The following SLC2A8 variants were observed in gnomAD, a reference collection of about 807,000 sequenced individuals.
SLC2A8 encodes the protein solute carrier family 2 member 8.
In SLC2A8, 53 loss-of-function variants were observed where a neutral mutation model predicts 49.2. The observed-to-expected ratio is 1.08, with a 90% CI of 0.86 to 1.35. The LOEUF is 1.35. Among genes scored for constraint, SLC2A8 ranks in the 40% most tolerant of loss-of-function variants. The pLI is 0.00. For missense variants in SLC2A8, 688 were observed against 671.7 expected (o/e 1.02, Z -0.27); for synonymous variants, 299 against 297.0 (o/e 1.01, Z -0.07).
chr9:127,405,625 A>G (rs1833467339), intron 9 of SLC2A8, 60 bp downstream of exon 9: 2 of 1,599,658 alleles, frequency 1.3e-6, no homozygotes, highest in Non-Finnish European at 1.7e-6. Context: ...ACTTTCTAAA[A>G]CCACTTGTAT....
chr9:127,406,310 G>T (rs1190531368), intron 9 of SLC2A8, among the ~76,000 whole-genome samples: 10 of 152,210 alleles, frequency 6.6e-5, no homozygotes, highest in African/African-American at 2.4e-4. Flanking sequence ...GTGGTGGGGC[G>T]GGTCATGAGG....
rs1358291800 is a variant in SLC2A8, at chr9:127,397,389, C to A, written c.70C>A (p.Arg24Ser). 1 of 1,470,070 alleles carries A rather than the reference C, an allele frequency of 6.8e-7. No individual in the cohort carries two copies. The highest frequency in any genetic ancestry group is 8.9e-7 in the Non-Finnish European group (1 of 1,119,522). The allele number at this position is 1,470,070 out of a possible 1,614,324, so 91.1% of individuals were successfully genotyped here. A position where few individuals can be genotyped will look rare whatever the true frequency, so the allele number is the denominator to read the frequency against. The change falls in exon 2 of 10, where the codon CGC (arginine) becomes AGC (serine). Residue 24 changes from arginine (R) to serine (S), a missense_variant. Coordinates refer to ENST00000373371, the MANE Select transcript of SLC2A8 (RefSeq NM_014580.5). ...CTGTCCCCCCAGCGCGCCCCGCGGC[C>A]GCCGCGTCTTCCTCGCCGCCTTCGC... ...GPPGGSAPRG[R>S]RVFLAAFAAA...
Position 127,397,227 on chromosome 9 carries a change from C to G in SLC2A8, c.-4C>G, listed in dbSNP as rs1204722296. On this transcript the variant is annotated 5_prime_UTR_variant, in exon 1 of 10. Coordinates refer to ENST00000373371, the MANE Select transcript of SLC2A8 (RefSeq NM_014580.5). ...GAGCTGGCCGATCGGCGTTGGCCGC[C>G]GACATGACGCCCGAGGACCCAGAGG... is the stretch of plus-strand genomic sequence containing the variant. 2.1e-6 allele frequency: 3 copies of G among 1,458,284 alleles called. No individual in the cohort carries two copies. Among genetic ancestry groups the G allele is most frequent in the East Asian group, 3.0e-5 (1 of 33,382 alleles). The allele number at this position is 1,458,284 out of a possible 1,614,324, so 90.3% of individuals were successfully genotyped here. A position where few individuals can be genotyped will look rare whatever the true frequency, so the allele number is the denominator to read the frequency against.
intron 2 of SLC2A8, 104 bp from the exon 3 acceptor site, chr9:127,397,801 C>A: frequency 8.0e-7 from 1 of 1,251,082 alleles, no homozygotes; most frequent in Non-Finnish European, 1.1e-6. Context: ...TCGGGACGGG[C>A]GCGGGGCCCC....
At position 127,399,240 on chromosome 9, in the gene SLC2A8, G is replaced by A. The variant is rs1833173395; in HGVS notation, c.427-667G>A. Among the ~76,000 whole-genome samples the A allele has an allele frequency of 6.6e-6, 1 of 152,226 alleles. No individual in the cohort carries two copies. Among genetic ancestry groups the A allele is most frequent in the Admixed American group, 6.5e-5 (1 of 15,282 alleles). On this transcript the variant is annotated intron_variant, in intron 3 of 9. Coordinates refer to ENST00000373371, the MANE Select transcript of SLC2A8 (RefSeq NM_014580.5). This position sits in a 1 kb window ranked among gnomAD's most constrained non-coding sequence, Gnocchi z 4.2. ...GGCGTCACGTGGAGCTGGTTAACAA[G>A]GTGGAATCTTTCGCCTGTCCAGACC...
At chr9:127,404,599 C>T (rs1361151248) in intron 7 of SLC2A8, 11 of 544,200 alleles carry the variant, frequency 2.0e-5, no homozygotes, top group Non-Finnish European at 3.2e-5. Context: ...CCCATTTCCT[C>T]GGCCCAGAGG....
chr9:127,397,626 C>T, intron 2 of SLC2A8, 88 bp downstream of exon 2: 3 of 1,352,292 alleles, frequency 2.2e-6, no homozygotes, highest in Non-Finnish European at 2.8e-6. Context: ...CCCACCCTTC[C>T]CCTCGGGACA....
At chr9:127,400,911 A>G (rs762133839) in intron 4 of SLC2A8, among the ~76,000 whole-genome samples, 2 of 152,220 alleles carry the variant, frequency 1.3e-5, no homozygotes, top group Non-Finnish European at 2.9e-5. Context: ...CCTGGCCAAC[A>G]TGGTGAAAAC....
At chr9:127,401,585 A>G (rs1833295241) in intron 4 of SLC2A8, among the ~76,000 whole-genome samples, 2 of 152,172 alleles carry the variant, frequency 1.3e-5, no homozygotes, top group Non-Finnish European at 2.9e-5. Context: ...CTGGGTGTCC[A>G]CCCACCCGTG....
Position 127,403,699 on chromosome 9 carries a change from A to G in SLC2A8, c.763A>G (p.Lys255Glu), listed in dbSNP as rs746878139. 1 of 1,612,744 alleles carries G rather than the reference A, an allele frequency of 6.2e-7. No individual in the cohort carries two copies. Among genetic ancestry groups the G allele is most frequent in the Admixed American group, 1.7e-5 (1 of 59,966 alleles). Residue 255 changes from lysine to glutamate, a missense_variant, in exon 6 of 10, where the codon AAG (lysine) becomes GAG (glutamate). Transcript: ENST00000373371. ...CCTGCTGCGGCAGCCCGGCATCTAC[A>G]AGCCCTTCATCATCGGCGTCTCCCT... ...LALLRQPGIY[K>E]PFIIGVSLMA...
intron 9 of SLC2A8, among the ~76,000 whole-genome samples, chr9:127,406,489 GA>G (rs1173411730): frequency 6.6e-6 from 1 of 152,212 alleles, no homozygotes; most frequent in African/African-American, 2.4e-5. Flanking sequence ...GGTGACAAAG[GA>G]CCTAACAGTC....
At chr9:127,400,050 G>C in intron 4 of SLC2A8, 44 bp downstream of exon 4, 1 of 1,555,230 alleles carries the variant, frequency 6.4e-7, no homozygotes, top group Non-Finnish European at 8.9e-7. Flanking sequence ...TGGTCATGTG[G>C]CCATTTTACA....
intron 5 of SLC2A8, 165 bp from the exon 6 acceptor site, chr9:127,403,495 G>A: frequency 2.7e-6 from 2 of 740,032 alleles, no homozygotes; most frequent in South Asian, 1.7e-5. Context: ...GACACATGGG[G>A]AGGCTGGGAC....
intron 4 of SLC2A8, among the ~76,000 whole-genome samples, 160 bp downstream of exon 4, chr9:127,400,166 C>CTTTTTTTTTTTTTTTTTTTTTTTTTT (rs796202714): frequency 1.7e-5 from 2 of 116,834 alleles, no homozygotes; most frequent in African/African-American, 3.4e-5. Context: ...ATAGGTGAGT[C>CTTTTTTTTTTTTTTTTTTTTTTTTTT]TTTTTTTTTT....
Position 127,407,115 on chromosome 9 carries a change from G to T in SLC2A8, c.1300G>T (p.Val434Phe), listed in dbSNP as rs1206283825. 2.5e-6 allele frequency: 4 copies of T among 1,613,126 alleles called. No individual in the cohort carries two copies. The highest frequency in any genetic ancestry group is 3.4e-6 in the Non-Finnish European group (4 of 1,179,980). The change falls in exon 10 of 10, where the codon GTC (valine) becomes TTC (phenylalanine). Residue 434 changes from valine to phenylalanine, a missense_variant. Physicochemically the swap from Val to Phe is conservative, Grantham distance 50. Coordinates refer to ENST00000373371, the MANE Select transcript of SLC2A8 (RefSeq NM_014580.5). Reference protein sequence around the residue: ...VTKEFSSLMEVLRPYGAFWLA... With the variant: ...VTKEFSSLMEFLRPYGAFWLA... ...ATGGCCTTTCCTCTCTCTGCAGGAG[G>T]TCCTCAGGCCCTATGGAGCCTTCTG...
chr9:127,407,311 C>T lies in SLC2A8; in HGVS notation c.*62C>T, dbSNP rs1833527707. 1.3e-6 allele frequency: 2 copies of T among 1,599,274 alleles called. No individual in the cohort carries two copies. The highest frequency in any genetic ancestry group is 1.1e-5 in the South Asian group (1 of 90,492). On this transcript the variant is annotated 3_prime_UTR_variant, in exon 10 of 10. Transcript: ENST00000373371. The stretch of plus-strand genomic sequence containing the variant: ...CCAAGCTGGGCCCAAGCCCAGAGCC[C>T]CTGCCTGCCCCAGGGGAGCCAGAAT...
chr9:127,397,670 C>T, intron 2 of SLC2A8, 132 bp downstream of exon 2: 2 of 1,261,424 alleles, frequency 1.6e-6, no homozygotes, highest in South Asian at 1.8e-5. Flanking sequence ...CCTTTCCCCA[C>T]GAGACAGGCA....
Position 127,397,387 on chromosome 9 carries a change from G to A in SLC2A8, c.68G>A (p.Gly23Asp). The A allele has an allele frequency of 1.4e-6, 2 of 1,469,118 alleles. No individual in the cohort carries two copies. Among genetic ancestry groups the A allele is most frequent in the Non-Finnish European group, 1.8e-6 (2 of 1,119,030 alleles). The allele number at this position is 1,469,118 out of a possible 1,614,324, so 91.0% of individuals were successfully genotyped here. Residue 23 changes from glycine (G) to aspartate (D), a missense_variant, in exon 2 of 10, where the codon GGC becomes GAC. Physicochemically the swap from Gly to Asp is moderately conservative, Grantham distance 94. Transcript: ENST00000373371. ...LGPPGGSAPR[G>D]RRVFLAAFAA... Reference sequence around the variant, plus strand: ...CCCTGTCCCCCCAGCGCGCCCCGCGGCCGCCGCGTCTTCCTCGCCGCCTTC... The same window carrying A: ...CCCTGTCCCCCCAGCGCGCCCCGCGACCGCCGCGTCTTCCTCGCCGCCTTC...
At chr9:127,403,472 G>A (rs1208286847) in intron 5 of SLC2A8, 188 bp from the exon 6 acceptor site, 1 of 652,670 alleles carries the variant, frequency 1.5e-6, no homozygotes, top group Non-Finnish European at 2.7e-6. Context: ...GGCAGGTGAG[G>A]GTCATCTCAC....
Sources: gnomAD v4.1 joint callset for allele counts (sites outside exome capture counted in the v4.1 genomes callset) on GRCh38, gnomAD v4.1.1 for gene constraint, Gnocchi (gnomAD v3.1) non-coding constraint, MANE v1.5 for transcripts, NCBI Gene and HGNC (gene_info 2026-07-23, HGNC 2026-07-21) for gene names.